CNBD1: variants seen among roughly 807,000 people sequenced by gnomAD.
CNBD1 encodes the protein cyclic nucleotide binding domain containing 1, also known as cyclic nucleotide-binding domain-containing protein 1.
Under a neutral mutation model 54.4 loss-of-function variants are expected in CNBD1, and 71 were observed. The observed-to-expected ratio is 1.30, with a 90% CI of 1.08 to 1.59. The LOEUF (loss-of-function observed/expected upper bound fraction) is 1.59. CNBD1 is among the 40% of genes most tolerant of loss of function. The pLI, the probability that CNBD1 is intolerant of heterozygous loss-of-function variation, is 0.00. For synonymous variants in CNBD1, 182 were observed against 170.7 expected (o/e 1.07, Z -0.51); for missense variants, 659 against 518.0 (o/e 1.27, Z -2.64).
intron 2 of CNBD1, among the ~76,000 whole-genome samples, chr8:86,891,760 T>C (rs1445962863): frequency 8.5e-5 from 13 of 152,096 alleles, no homozygotes; most frequent in Admixed American, 6.5e-4. Flanking sequence ...CTTTCATTAG[T>C]GTTTCAGTAT....
chr8:87,126,128 T>A (rs530731865), intron 4 of CNBD1, among the ~76,000 whole-genome samples: 1 of 152,110 alleles, frequency 6.6e-6, no homozygotes, highest in African/African-American at 2.4e-5. Flanking sequence ...CATAAAGTGT[T>A]CTGAACATTC....
intron 6 of CNBD1, among the ~76,000 whole-genome samples, chr8:87,274,092 A>G (rs946262362): frequency 2.0e-5 from 3 of 152,068 alleles, no homozygotes; most frequent in African/African-American, 7.2e-5. Context: ...CCTACAAAAG[A>G]CATGAGCTCA....
intron 4 of CNBD1, among the ~76,000 whole-genome samples, chr8:87,204,613 TA>T (rs1813930362): frequency 6.6e-6 from 1 of 152,108 alleles, no homozygotes; most frequent in African/African-American, 2.4e-5. Context: ...CAAAACAGAA[TA>T]ACTTTCTGGC....
rs1810161996 is a variant in CNBD1, at chr8:87,345,736, A to T, written c.1043-5949A>T. 3.3e-5 allele frequency among the ~76,000 whole-genome samples: 5 copies of T among 152,278 alleles called. No homozygotes were observed. In the South Asian group the frequency reaches 1.0e-3, roughly 32 times the overall value. ...GAAATAAACATAAAAAAGACTTAAA[A>T]ATTAAATTGGAATATCAAAAACATA... On this transcript the variant is annotated intron_variant, in intron 8 of 10. Transcript: ENST00000518476.
intron 4 of CNBD1, among the ~76,000 whole-genome samples, chr8:87,082,410 C>A (rs1811014828): frequency 1.3e-5 from 2 of 152,174 alleles, no homozygotes; most frequent in Non-Finnish European, 2.9e-5. Context: ...TCACACAAAG[C>A]CTGTTGGTGG....
Position 87,382,625 on chromosome 8 carries a change from T to C in CNBD1, c.1309T>C (p.Ter437GlnextTer2), listed in dbSNP as rs897135155. The change falls in exon 11 of 11, where the codon TAG becomes CAG. Residue 437 changes from the stop codon to glutamine (Q), a stop_lost. Coordinates refer to ENST00000518476, the MANE Select transcript of CNBD1 (RefSeq NM_173538.3). ...TGTTTGTTTGCCTTTTGCAGTGGCC[T>C]AGATCTAGAAACAACCTCAGTGAAC... Reference protein sequence around the residue: ...IIEDKDLFVA* With the variant: ...IIEDKDLFVAQ 54 of 1,537,186 alleles carry C rather than the reference T, an allele frequency of 3.5e-5. No individual in the cohort carries two copies. The East Asian group carries it at 1.3e-3, about 37-fold the overall frequency.
chr8:87,106,722 C>T (rs1414499668), intron 4 of CNBD1, among the ~76,000 whole-genome samples: 1 of 152,176 alleles, frequency 6.6e-6, no homozygotes, highest in Non-Finnish European at 1.5e-5. Flanking sequence ...TTTTCCCCAA[C>T]CTCACTGGAT....
intron 4 of CNBD1, among the ~76,000 whole-genome samples, chr8:86,960,232 A>G (rs1016828087): frequency 1.3e-5 from 2 of 151,862 alleles, no homozygotes; most frequent in African/African-American, 4.9e-5. Flanking sequence ...TCCCTTTACT[A>G]GCCAAGGGAA....
intron 10 of CNBD1, among the ~76,000 whole-genome samples, chr8:87,368,005 G>C (rs1438670050): frequency 6.6e-6 from 1 of 151,756 alleles, no homozygotes; most frequent in Non-Finnish European, 1.5e-5. Flanking sequence ...TTCCTAAAAA[G>C]ACAAAAATTA....
chr8:87,355,142 A>G (rs1316627234), intron 10 of CNBD1, among the ~76,000 whole-genome samples: 1 of 152,230 alleles, frequency 6.6e-6, no homozygotes, highest in Non-Finnish European at 1.5e-5. Context: ...GTTTGTATGT[A>G]TATTATGTAC....
At chr8:87,161,281 T>A (rs1181334245) in intron 4 of CNBD1, among the ~76,000 whole-genome samples, 1 of 152,118 alleles carries the variant, frequency 6.6e-6, no homozygotes, top group Non-Finnish European at 1.5e-5. Context: ...GCATATAATA[T>A]GGAAGTTACC....
intron 4 of CNBD1, among the ~76,000 whole-genome samples, chr8:86,962,963 A>T (rs1807970664): frequency 6.6e-6 from 1 of 152,128 alleles, no homozygotes; most frequent in South Asian, 2.1e-4. Flanking sequence ...CCTGAGGGTC[A>T]AAGGAGTCCA....
At chr8:87,110,118 G>A (rs950275431) in intron 4 of CNBD1, among the ~76,000 whole-genome samples, 36 of 152,092 alleles carry the variant, frequency 2.4e-4, no homozygotes, top group Admixed American at 1.8e-3. Flanking sequence ...TCAGCCCATC[G>A]GGAGGATTAT....
At chr8:87,371,412 G>A (rs1289030972) in intron 10 of CNBD1, among the ~76,000 whole-genome samples, 1 of 151,908 alleles carries the variant, frequency 6.6e-6, no homozygotes, top group African/African-American at 2.4e-5. Context: ...ATTGAGCAGT[G>A]GTTTGTAATT....
At chr8:86,893,544 C>T (rs1441529639) in intron 2 of CNBD1, among the ~76,000 whole-genome samples, 1 of 152,136 alleles carries the variant, frequency 6.6e-6, no homozygotes, top group Non-Finnish European at 1.5e-5. Context: ...ATTTCATTAA[C>T]CTTCAGATTT....
chr8:87,210,477 C>T (rs1227577809), intron 5 of CNBD1, among the ~76,000 whole-genome samples: 1 of 152,148 alleles, frequency 6.6e-6, no homozygotes, highest in Non-Finnish European at 1.5e-5. Flanking sequence ...GTAGACACTC[C>T]TATGATAGGC....
chr8:86,909,672 C>G (rs1809072268), intron 3 of CNBD1, among the ~76,000 whole-genome samples: 1 of 152,064 alleles, frequency 6.6e-6, no homozygotes, highest in Admixed American at 6.6e-5. Flanking sequence ...AATCTGTTTG[C>G]CTTTGAACAT....
At chr8:87,229,110 G>A (rs193216479) in intron 5 of CNBD1, among the ~76,000 whole-genome samples, 9 of 152,170 alleles carry the variant, frequency 5.9e-5, no homozygotes, top group East Asian at 1.9e-4. Context: ...GCTTTGGCTC[G>A]CACATGGTGC....
intron 4 of CNBD1, among the ~76,000 whole-genome samples, chr8:87,094,980 A>C (rs1341147991): frequency 6.6e-6 from 1 of 152,224 alleles, no homozygotes; most frequent in Non-Finnish European, 1.5e-5. Flanking sequence ...CAGAGGTTGC[A>C]ATGAGCCGAG....
Sources: allele counts gnomAD v4.1 joint callset (sites outside exome capture counted in the v4.1 genomes callset), GRCh38; gene constraint gnomAD v4.1.1; transcripts MANE v1.5; gene names NCBI Gene and HGNC (gene_info 2026-07-23, HGNC 2026-07-21).